Variants in EXOC6B observed in about 807,000 individuals in gnomAD.
EXOC6B encodes the protein exocyst complex component 6B, also known as SEC15 homolog B.
A neutral mutation model predicts 113.5 loss-of-function variants in EXOC6B; 54 were observed. That is an observed-to-expected ratio of 0.48 (90% CI 0.38 to 0.60). The LOEUF is 0.60. Among genes scored for constraint, EXOC6B ranks in the 20% least tolerant of loss-of-function variants. The probability of loss-of-function intolerance (pLI) is 0.00; values close to 1 mark genes in which losing one functional copy is unlikely to be tolerated. For synonymous variants in EXOC6B, 357 were observed against 339.0 expected, an observed-to-expected ratio of 1.05 and a Z score of -0.58; for missense variants, 797 against 977.5, an observed-to-expected ratio of 0.82 and a Z score of 2.46.
At chr2:72,301,143 C>T (rs956579031) in intron 20 of EXOC6B, among the ~76,000 whole-genome samples, 9 of 152,162 alleles carry the variant, frequency 5.9e-5, no homozygotes, top group Admixed American at 5.9e-4. Flanking sequence ...TGATGAATCA[C>T]ATTTACTGAT....
At chr2:72,637,712 C>A (rs906635409) in intron 6 of EXOC6B, among the ~76,000 whole-genome samples, 2 of 151,838 alleles carry the variant, frequency 1.3e-5, no homozygotes, top group African/African-American at 4.8e-5. Context: ...ATAGCTTGAG[C>A]CCAGGAGGTG....
chr2:72,824,503 G>C (rs1686782387), intron 1 of EXOC6B, among the ~76,000 whole-genome samples: 1 of 152,228 alleles, frequency 6.6e-6, no homozygotes. Flanking sequence ...GGTACTGGCA[G>C]AAATGTGCTA....
intron 18 of EXOC6B, among the ~76,000 whole-genome samples, chr2:72,451,359 T>G (rs2901146): frequency 0.39 from 59,157 of 152,040 alleles, 17,711 homozygotes; most frequent in African/African-American, 0.84. Context: ...TTTTTCAAAG[T>G]AGTTATCAAG....
At chr2:72,275,890 A>G (rs557661426) in intron 20 of EXOC6B, among the ~76,000 whole-genome samples, 1 of 152,260 alleles carries the variant, frequency 6.6e-6, no homozygotes, top group East Asian at 1.9e-4. Flanking sequence ...ACATGGAGTA[A>G]ATTTCTGTCA....
At chr2:72,440,637 C>A (rs990250344) in intron 18 of EXOC6B, among the ~76,000 whole-genome samples, 13 of 152,080 alleles carry the variant, frequency 8.5e-5, no homozygotes, top group East Asian at 7.7e-4. Flanking sequence ...CTGCAAATAA[C>A]CAGCTAACAT....
intron 1 of EXOC6B, chr2:72,760,488 T>G (rs1214685717): frequency 1.3e-5 from 2 of 152,704 alleles, no homozygotes; most frequent in Admixed American, 6.5e-5. Flanking sequence ...AATACTAAGT[T>G]GATTTTGTTT....
chr2:72,307,369 A>G (rs1686944527), intron 20 of EXOC6B, among the ~76,000 whole-genome samples: 1 of 151,658 alleles, frequency 6.6e-6, no homozygotes, highest in Admixed American at 6.6e-5. Flanking sequence ...GATGGTCTCG[A>G]TCTCCTGACC....
intron 18 of EXOC6B, among the ~76,000 whole-genome samples, chr2:72,386,535 A>T (rs895318165): frequency 1.3e-5 from 2 of 152,226 alleles, no homozygotes; most frequent in African/African-American, 4.8e-5. Flanking sequence ...TACCCTGTGC[A>T]GCCTCAAGAC....
At chr2:72,493,326 C>T (rs1476343196) in intron 15 of EXOC6B, among the ~76,000 whole-genome samples, 5 of 143,384 alleles carry the variant, frequency 3.5e-5, no homozygotes, top group South Asian at 2.1e-4. Context: ...TTCTCCCCCC[C>T]CCCCCCCCGC....
At chr2:72,379,094 A>C (rs1691529203) in intron 19 of EXOC6B, among the ~76,000 whole-genome samples, 1 of 152,156 alleles carries the variant, frequency 6.6e-6, no homozygotes, top group Non-Finnish European at 1.5e-5. Flanking sequence ...CCTGTCTTGA[A>C]TGTGGGTCTC....
intron 18 of EXOC6B, among the ~76,000 whole-genome samples, chr2:72,416,537 T>A (rs1001594825): frequency 6.6e-6 from 1 of 152,114 alleles, no homozygotes; most frequent in Non-Finnish European, 1.5e-5. Context: ...ACTATGTAAA[T>A]TCTGAAATTT....
chr2:72,541,522 T>C (rs1702601386), intron 8 of EXOC6B, among the ~76,000 whole-genome samples: 4 of 152,196 alleles, frequency 2.6e-5, no homozygotes, highest in South Asian at 4.1e-4. Flanking sequence ...TAACATTGCA[T>C]GGTTTTTTAA....
intron 1 of EXOC6B, among the ~76,000 whole-genome samples, chr2:72,764,430 G>A (rs1269061122): frequency 2.1e-5 from 3 of 140,646 alleles, no homozygotes; most frequent in Non-Finnish European, 4.5e-5. Context: ...GGAGTGCAGT[G>A]GTGTGATCAC....
At position 72,825,761 on chromosome 2, in the gene EXOC6B, C is replaced by T. The variant is rs375105893; in HGVS notation, c.113+37G>A. ...CCAGAGGAGCCTGCCCCGTCCCGCC[C>T]GTTCCCGCCCCTCTGTGGTCCCGGC... On this transcript the variant is annotated intron_variant, in intron 1 of 21. Coordinates refer to ENST00000272427, the MANE Select transcript of EXOC6B (RefSeq NM_015189.3). This position sits in a 1 kb window ranked among gnomAD's most constrained non-coding sequence, Gnocchi z 4.4. 146 of 1,599,056 alleles carry T rather than the reference C, an allele frequency of 9.1e-5. No homozygotes were observed. Among genetic ancestry groups the T allele is most frequent in the Non-Finnish European group, 1.0e-4 (121 of 1,174,220 alleles).
At chr2:72,420,783 C>A (rs185066980) in intron 18 of EXOC6B, among the ~76,000 whole-genome samples, 11 of 152,262 alleles carry the variant, frequency 7.2e-5, no homozygotes, top group Admixed American at 2.0e-4. Flanking sequence ...AATGGTATTT[C>A]TAGTTCTAGA....
At chr2:72,334,467 A>T (rs1688577835) in intron 20 of EXOC6B, among the ~76,000 whole-genome samples, 1 of 152,102 alleles carries the variant, frequency 6.6e-6, no homozygotes, top group African/African-American at 2.4e-5. Context: ...AGGAGGCGGG[A>T]AGACTTAAGG....
At chr2:72,662,751 T>C (rs75474107) in intron 6 of EXOC6B, among the ~76,000 whole-genome samples, 4 of 152,162 alleles carry the variant, frequency 2.6e-5, no homozygotes, top group Non-Finnish European at 4.4e-5. Context: ...TTTAGCCTTT[T>C]TTTTTTTGAG....
At chr2:72,491,250 C>G (rs1048945250) in intron 16 of EXOC6B, among the ~76,000 whole-genome samples, 3 of 152,058 alleles carry the variant, frequency 2.0e-5, no homozygotes, top group Admixed American at 6.6e-5. Flanking sequence ...GAAAAGTTTG[C>G]TATAAGTAGA....
intron 18 of EXOC6B, among the ~76,000 whole-genome samples, chr2:72,413,269 C>T (rs765955567): frequency 7.2e-5 from 11 of 151,910 alleles, no homozygotes; most frequent in Non-Finnish European, 1.6e-4. Flanking sequence ...CCCAGAAGTC[C>T]TTAAACTTTA....
Sources: allele counts gnomAD v4.1 joint callset (sites outside exome capture counted in the v4.1 genomes callset), GRCh38; gene constraint gnomAD v4.1.1; non-coding constraint Gnocchi (gnomAD v3.1); transcripts MANE v1.5; gene names NCBI Gene and HGNC (gene_info 2026-07-23, HGNC 2026-07-21).